RTTN: variants seen among roughly 807,000 people sequenced by gnomAD.
The protein encoded by RTTN is rotatin.
In RTTN, 182 loss-of-function variants were observed where a neutral mutation model predicts 269.2. That is an observed-to-expected ratio of 0.68 (90% CI 0.60 to 0.76). RTTN has a LOEUF of 0.76. Among genes scored for constraint, RTTN ranks in the 30% least tolerant of loss-of-function variants. The probability of loss-of-function intolerance (pLI) is 0.00; values close to 1 mark genes in which losing one functional copy is unlikely to be tolerated. For missense variants in RTTN, 2,545 were observed against 2,608.6 expected (o/e 0.98, Z 0.53); for synonymous variants, 1,006 against 963.5 (o/e 1.04, Z -0.82).
At chr18:70,079,386 T>C (rs910055126) in intron 32 of RTTN, among the ~76,000 whole-genome samples, 1 of 152,096 alleles carries the variant, frequency 6.6e-6, no homozygotes, top group Non-Finnish European at 1.5e-5. Context: ...TCTACACTTA[T>C]TAAGAGAGCT....
intron 31 of RTTN, 35 bp from the exon 32 acceptor site, chr18:70,086,719 A>AGTT: frequency 1.9e-6 from 1 of 539,572 alleles, no homozygotes; most frequent in Non-Finnish European, 2.9e-6. Flanking sequence ...AAAAAAAAAA[A>AGTT]AAAAAAAAAA....
chr18:70,154,535 A>G (rs1164668818), intron 14 of RTTN, among the ~76,000 whole-genome samples: 1 of 152,156 alleles, frequency 6.6e-6, no homozygotes, highest in East Asian at 1.9e-4. Flanking sequence ...CACCTGCCCT[A>G]TAACTGAGGA....
chr18:70,150,478 G>T, intron 15 of RTTN, 130 bp downstream of exon 15: 1 of 798,160 alleles, frequency 1.3e-6, no homozygotes, highest in East Asian at 2.6e-5. Flanking sequence ...CACTTCAACT[G>T]AACCAATGCA....
chr18:70,097,975 A>T (rs1006882024), intron 28 of RTTN, among the ~76,000 whole-genome samples: 1 of 152,238 alleles, frequency 6.6e-6, no homozygotes, highest in Non-Finnish European at 1.5e-5. Context: ...CCTGATTTCA[A>T]AGAGTAAAAC....
At chr18:70,083,002 C>A (rs937448926) in intron 32 of RTTN, among the ~76,000 whole-genome samples, 1 of 152,132 alleles carries the variant, frequency 6.6e-6, no homozygotes, top group East Asian at 1.9e-4. Context: ...TGGGATGTAG[C>A]TTTGAATGAG....
chr18:70,175,886 A>G (rs1222314718), intron 11 of RTTN, among the ~76,000 whole-genome samples: 3 of 152,158 alleles, frequency 2.0e-5, no homozygotes, highest in Non-Finnish European at 4.4e-5. Context: ...CTGTGTGTCA[A>G]GGAACCTGGG....
intron 35 of RTTN, chr18:70,061,425 A>G: frequency 2.2e-6 from 1 of 456,250 alleles, no homozygotes; most frequent in African/African-American, 2.0e-5. Flanking sequence ...GGAGTTTGGA[A>G]AGCAAGATTT....
At chr18:70,086,977 T>C (rs1291402012) in intron 31 of RTTN, among the ~76,000 whole-genome samples, 1 of 152,092 alleles carries the variant, frequency 6.6e-6, no homozygotes, top group East Asian at 1.9e-4. Context: ...TATTAAAAAA[T>C]GATTTGTATA....
chr18:70,093,936 T>A (rs2058924457), intron 28 of RTTN, among the ~76,000 whole-genome samples: 1 of 152,166 alleles, frequency 6.6e-6, no homozygotes, highest in Non-Finnish European at 1.5e-5. Context: ...GTCCTTTTCT[T>A]GGTTGCTAGG....
chr18:70,118,731 C>T (rs947357943), intron 26 of RTTN, among the ~76,000 whole-genome samples: 1 of 152,040 alleles, frequency 6.6e-6, no homozygotes, highest in Admixed American at 6.6e-5. Flanking sequence ...AAAAAGATCA[C>T]TCACTATAAT....
At chr18:70,028,473 T>C (rs1180840863) in intron 43 of RTTN, among the ~76,000 whole-genome samples, 4 of 152,156 alleles carry the variant, frequency 2.6e-5, no homozygotes, top group Admixed American at 1.3e-4. Context: ...ATTCCATATG[T>C]AAAACATTTA....
intron 14 of RTTN, among the ~76,000 whole-genome samples, chr18:70,154,341 A>G (rs142612721): frequency 2.0e-5 from 3 of 152,270 alleles, no homozygotes; most frequent in African/African-American, 7.2e-5. Flanking sequence ...ATGATCATAT[A>G]CATCAATAAC....
rs2060978242 is a variant in RTTN, at chr18:70,166,101, C to T, written c.1890G>A (p.Val630=). 1 of 1,613,834 alleles carries T rather than the reference C, an allele frequency of 6.2e-7. No homozygotes were observed. The highest frequency in any genetic ancestry group is 1.3e-5 in the African/African-American group (1 of 75,040). ...GACAGCAGTGGTAAGTTTCAGCTTTCACTCGTGGCAATGGGTGAGACAACA... is the reference window on the plus strand; with the variant it reads ...GACAGCAGTGGTAAGTTTCAGCTTTTACTCGTGGCAATGGGTGAGACAACA... The part of the protein sequence containing the change: ...LHMLSHPLPR[V]KAETYHCCLE... Residue 630 remains valine, a synonymous_variant, in exon 14 of 49, where the codon GTG becomes GTA. Transcript: ENST00000640769.
intron 9 of RTTN, among the ~76,000 whole-genome samples, chr18:70,188,699 A>C (rs2061602482): frequency 1.3e-5 from 2 of 152,226 alleles, no homozygotes. Context: ...GGAATAAATG[A>C]ACATGCTAAC....
chr18:70,054,107 C>T (rs2057749643), intron 38 of RTTN, 24 bp downstream of exon 38: 2 of 1,590,144 alleles, frequency 1.3e-6, no homozygotes, highest in African/African-American at 2.7e-5. Context: ...CACTTACATT[C>T]TAAACTAAAA....
chr18:70,121,410 T>TG (rs1170104020), intron 26 of RTTN, 146 bp downstream of exon 26: 1 of 574,124 alleles, frequency 1.7e-6, no homozygotes, highest in East Asian at 3.5e-5. Flanking sequence ...AGGAAAGCCA[T>TG]GTTGTTATGA....
intron 46 of RTTN, among the ~76,000 whole-genome samples, chr18:70,011,300 A>G (rs994071627): frequency 6.6e-6 from 1 of 152,238 alleles, no homozygotes; most frequent in Non-Finnish European, 1.5e-5. Flanking sequence ...AGGAAATTTC[A>G]GGCCAATATC....
chr18:70,049,506 A>G (rs758317743), intron 39 of RTTN, among the ~76,000 whole-genome samples: 6 of 152,114 alleles, frequency 3.9e-5, no homozygotes, highest in Admixed American at 6.5e-5. Context: ...TTAAACATGC[A>G]TTTGCCATAA....
intron 47 of RTTN, chr18:70,006,055 A>G: frequency 4.9e-6 from 1 of 203,924 alleles, no homozygotes; most frequent in Non-Finnish European, 9.9e-6. Flanking sequence ...TTTTACTTTA[A>G]GATGTGTTTT....
Sources: gnomAD v4.1 joint callset for allele counts (sites outside exome capture counted in the v4.1 genomes callset) on GRCh38, gnomAD v4.1.1 for gene constraint, MANE v1.5 for transcripts, NCBI Gene and HGNC (gene_info 2026-07-23, HGNC 2026-07-21) for gene names.